FHIP1A: variants seen among roughly 807,000 people sequenced by gnomAD.
The protein encoded by FHIP1A is FHF complex subunit HOOK-interacting protein 1A.
A neutral mutation model predicts 88.6 loss-of-function variants in FHIP1A; 61 were observed. The ratio of observed to expected loss-of-function variants is 0.69; its 90% CI spans 0.56 to 0.85. FHIP1A has a LOEUF of 0.85. Ranked by LOEUF, FHIP1A falls within the 40% of genes least tolerant of loss-of-function variation. FHIP1A has a pLI of 0.00. For missense variants in FHIP1A, 1,154 were observed against 1,273.5 expected (o/e 0.91, Z 1.43); for synonymous variants, 478 against 496.0 (o/e 0.96, Z 0.48).
chr4:151,475,718 A>G (rs1729673435), intron 2 of FHIP1A, among the ~76,000 whole-genome samples: 1 of 152,198 alleles, frequency 6.6e-6, no homozygotes, highest in South Asian at 2.1e-4. Context: ...TGTACTTCGT[A>G]CATATTAAAA....
intron 3 of FHIP1A, among the ~76,000 whole-genome samples, chr4:151,563,365 T>C (rs1355688800): frequency 6.6e-6 from 1 of 152,174 alleles, no homozygotes; most frequent in Non-Finnish European, 1.5e-5. Flanking sequence ...AAATCACTCC[T>C]TGGCATCTAA....
At chr4:151,507,246 C>G (rs924956285) in intron 3 of FHIP1A, among the ~76,000 whole-genome samples, 2 of 152,102 alleles carry the variant, frequency 1.3e-5, no homozygotes, top group Non-Finnish European at 1.5e-5. Flanking sequence ...AGCTCAGCCT[C>G]CCAAGTATCA....
intron 9 of FHIP1A, among the ~76,000 whole-genome samples, chr4:151,641,330 G>A (rs1400888014): frequency 6.6e-6 from 1 of 152,224 alleles, no homozygotes; most frequent in South Asian, 2.1e-4. Flanking sequence ...CACTGCTGAT[G>A]TGACTCAGCA....
chr4:151,421,274 C>T (rs1056283379), intron 1 of FHIP1A, among the ~76,000 whole-genome samples: 1 of 152,154 alleles, frequency 6.6e-6, no homozygotes, highest in Non-Finnish European at 1.5e-5. Flanking sequence ...CATATAAGCA[C>T]AGTGTGACTC....
chr4:151,590,252 A>G (rs2126810778), intron 7 of FHIP1A, among the ~76,000 whole-genome samples: 1 of 152,290 alleles, frequency 6.6e-6, no homozygotes, highest in South Asian at 2.1e-4. Flanking sequence ...TTTCTTCTTC[A>G]TTTATTTCCA....
intron 2 of FHIP1A, among the ~76,000 whole-genome samples, chr4:151,468,336 G>C (rs183729514): frequency 1.3e-5 from 2 of 148,668 alleles, no homozygotes; most frequent in East Asian, 4.0e-4. Context: ...TAGATCTCCT[G>C]AATCAGAAAC....
intron 1 of FHIP1A, among the ~76,000 whole-genome samples, chr4:151,417,275 T>G (rs1732932016): frequency 6.6e-6 from 1 of 152,124 alleles, no homozygotes; most frequent in African/African-American, 2.4e-5. Flanking sequence ...CATTGGTTAC[T>G]TGATATACAC....
At chr4:151,475,688 A>G (rs1729672327) in intron 2 of FHIP1A, among the ~76,000 whole-genome samples, 1 of 152,162 alleles carries the variant, frequency 6.6e-6, no homozygotes, top group African/African-American at 2.4e-5. Context: ...GGGGCTGCTT[A>G]GGAAATAACT....
intron 2 of FHIP1A, among the ~76,000 whole-genome samples, chr4:151,471,443 C>T (rs1259430338): frequency 6.6e-6 from 1 of 151,632 alleles, no homozygotes; most frequent in African/African-American, 2.4e-5. Flanking sequence ...ATTATAATTT[C>T]AACAGCATGC....
intron 7 of FHIP1A, among the ~76,000 whole-genome samples, chr4:151,617,412 C>T (rs749714937): frequency 6.6e-6 from 1 of 152,182 alleles, no homozygotes; most frequent in Non-Finnish European, 1.5e-5. Context: ...AGTCCTTAAC[C>T]TGGTTTTGAA....
chr4:151,550,934 C>G (rs1322007949), intron 3 of FHIP1A, among the ~76,000 whole-genome samples: 2 of 152,326 alleles, frequency 1.3e-5, no homozygotes, highest in East Asian at 3.9e-4. Flanking sequence ...GGGTTGACTC[C>G]CTCAGAGTTG....
intron 2 of FHIP1A, among the ~76,000 whole-genome samples, chr4:151,462,983 A>G (rs1266451735): frequency 6.6e-6 from 1 of 152,182 alleles, no homozygotes; most frequent in East Asian, 1.9e-4. Flanking sequence ...ATTCTAATCC[A>G]GTTCCCTGCA....
rs557158980 is a variant in FHIP1A at position 151,499,995 on chromosome 4, T to C, written c.-123+17347T>C. On this transcript the variant is annotated intron_variant, in intron 3 of 13. Coordinates refer to ENST00000435205, the MANE Select transcript of FHIP1A (RefSeq NM_001109977.3). ...TCCATTCTCCACATAGATTCTACTT[T>C]TTTCTCATTTTCTTTTGGAAGTCTT... is the stretch of plus-strand genomic sequence containing the variant. Among the ~76,000 whole-genome samples, 9 of 152,304 alleles carry C rather than the reference T, an allele frequency of 5.9e-5. No individual in the cohort carries two copies. In the South Asian group the frequency reaches 1.7e-3, roughly 28 times the overall value.
At chr4:151,631,965 G>T (rs868815289) in intron 8 of FHIP1A, among the ~76,000 whole-genome samples, 1 of 152,124 alleles carries the variant, frequency 6.6e-6, no homozygotes, top group East Asian at 1.9e-4. Context: ...TATTTTAAAT[G>T]TGGATGGATT....
At chr4:151,620,568 A>C (rs1274646970) in intron 7 of FHIP1A, among the ~76,000 whole-genome samples, 1 of 152,178 alleles carries the variant, frequency 6.6e-6, no homozygotes, top group Admixed American at 6.5e-5. Context: ...GTTAGCTGAC[A>C]AAACTGTATG....
intron 2 of FHIP1A, among the ~76,000 whole-genome samples, chr4:151,466,506 T>C (rs1461725427): frequency 6.6e-6 from 1 of 152,002 alleles, no homozygotes; most frequent in East Asian, 1.9e-4. Context: ...GAACCAAAAA[T>C]GAGCTCATAT....
chr4:151,556,461 A>G (rs1282822668), intron 3 of FHIP1A, among the ~76,000 whole-genome samples: 3 of 152,180 alleles, frequency 2.0e-5, no homozygotes, highest in East Asian at 1.9e-4. Flanking sequence ...ACTTAATGGA[A>G]AAATCTGTCT....
rs184584502 is a variant in FHIP1A at position 151,509,312 on chromosome 4, G to A, written c.-123+26664G>A. ...CAAGTAGCTGGGACTACAGGCACCC[G>A]CCACCACACCTGGTTAATTTTTTTT... is the stretch of plus-strand genomic sequence containing the variant. On this transcript the variant is annotated intron_variant, in intron 3 of 13. Transcript: ENST00000435205. Among the ~76,000 whole-genome samples the A allele has an allele frequency of 1.6e-3, 236 of 152,082 alleles. No homozygotes were observed. The Middle Eastern group carries it at 0.017, about 11-fold the overall frequency.
chr4:151,409,639 A>G (rs1732522983), intron 1 of FHIP1A, among the ~76,000 whole-genome samples, 174 bp downstream of exon 1: 1 of 151,974 alleles, frequency 6.6e-6, no homozygotes, highest in Non-Finnish European at 1.5e-5. Flanking sequence ...GGATGTTCCA[A>G]ACGAGGTCGC....
Sources: allele counts gnomAD v4.1 joint callset (sites outside exome capture counted in the v4.1 genomes callset), GRCh38; gene constraint gnomAD v4.1.1; transcripts MANE v1.5; gene names NCBI Gene and HGNC (gene_info 2026-07-23, HGNC 2026-07-21).